The following ZMYND8 variants were observed in gnomAD, a reference collection of about 807,000 sequenced individuals.
The protein encoded by ZMYND8 is zinc finger MYND-type containing 8.
In ZMYND8, 37 loss-of-function variants were observed where a neutral mutation model predicts 140.8. That is an observed-to-expected ratio of 0.26 (90% CI 0.20 to 0.35). The LOEUF (loss-of-function observed/expected upper bound fraction) is 0.35. Among genes scored for constraint, ZMYND8 ranks in the 10% least tolerant of loss-of-function variants. ZMYND8 has a pLI of 1.00. For synonymous variants in ZMYND8, 592 were observed against 597.1 expected (o/e 0.99, Z 0.12); for missense variants, 1,068 against 1,570.0 (o/e 0.68, Z 5.40).
intron 3 of ZMYND8, among the ~76,000 whole-genome samples, chr20:47,301,724 G>A (rs1433608153): frequency 1.3e-5 from 2 of 152,046 alleles, no homozygotes; most frequent in Non-Finnish European, 2.9e-5. Flanking sequence ...CTCTTGTGAT[G>A]AGTCACATAT....
chr20:47,287,546 A>G (rs956952461), intron 7 of ZMYND8, among the ~76,000 whole-genome samples: 2 of 152,194 alleles, frequency 1.3e-5, no homozygotes, highest in Non-Finnish European at 2.9e-5. Context: ...ATCATGGATT[A>G]ATATTCTTAA....
At chr20:47,329,263 A>G (rs1244515228) in intron 2 of ZMYND8, among the ~76,000 whole-genome samples, 7 of 152,198 alleles carry the variant, frequency 4.6e-5, no homozygotes, top group Admixed American at 1.3e-4. Flanking sequence ...GTGTGATCCA[A>G]TCAAGCTTGC....
chr20:47,293,553 G>A (rs2077439822), intron 5 of ZMYND8, among the ~76,000 whole-genome samples: 1 of 152,180 alleles, frequency 6.6e-6, no homozygotes, highest in Admixed American at 6.5e-5. Flanking sequence ...CTACAGAAAA[G>A]TCACTGGTTG....
chr20:47,268,286 G>A (rs1455257299), intron 11 of ZMYND8, among the ~76,000 whole-genome samples: 2 of 129,638 alleles, frequency 1.5e-5, no homozygotes, highest in African/African-American at 3.1e-5. Flanking sequence ...GTGAAACCCC[G>A]TCTCTTTTTT....
chr20:47,305,823 T>C (rs2078438478), intron 3 of ZMYND8, among the ~76,000 whole-genome samples: 1 of 152,190 alleles, frequency 6.6e-6, no homozygotes, highest in Non-Finnish European at 1.5e-5. Flanking sequence ...CCCAACAGGA[T>C]GTTTGAACTC....
intron 8 of ZMYND8, chr20:47,285,853 T>C: frequency 9.2e-6 from 9 of 981,176 alleles, no homozygotes; most frequent in Non-Finnish European, 1.1e-5. Flanking sequence ...ATACATAAAA[T>C]AAACTAAGTG....
In ZMYND8 at chr20:47,294,651, G is replaced by T; in HGVS notation, c.567+15C>A. On this transcript the variant is annotated intron_variant, in intron 5 of 22. Coordinates refer to ENST00000471951, the MANE Select transcript of ZMYND8 (RefSeq NM_001281775.3). ...CGTTCATTTACGCGTATACCAAGAGGAACTTTCTTCTTACCCCTGGCTGTT... is the reference window on the plus strand; with the variant it reads ...CGTTCATTTACGCGTATACCAAGAGTAACTTTCTTCTTACCCCTGGCTGTT... The T allele has an allele frequency of 6.2e-7, 1 of 1,608,474 alleles. No homozygotes were observed. Among genetic ancestry groups the T allele is most frequent in the Non-Finnish European group, 8.5e-7 (1 of 1,174,940 alleles).
At chr20:47,287,068 C>G (rs2076969838) in intron 8 of ZMYND8, among the ~76,000 whole-genome samples, 161 bp downstream of exon 8, 1 of 152,138 alleles carries the variant, frequency 6.6e-6, no homozygotes, top group Admixed American at 6.6e-5. Flanking sequence ...TACTCGGGCC[C>G]CTCTTTGTTC....
At chr20:47,220,540 C>T (rs369036895) in intron 20 of ZMYND8, among the ~76,000 whole-genome samples, 1 of 152,214 alleles carries the variant, frequency 6.6e-6, no homozygotes, top group African/African-American at 2.4e-5. Context: ...GAACGCAGCA[C>T]CAGAGTGGCC....
At chr20:47,336,439 G>A (rs1020362604) in intron 2 of ZMYND8, among the ~76,000 whole-genome samples, 1 of 152,210 alleles carries the variant, frequency 6.6e-6, no homozygotes, top group African/African-American at 2.4e-5. Context: ...TTGGCAGGCT[G>A]GCATCCACAC....
chr20:47,302,048 C>T (rs1237790425), intron 3 of ZMYND8, among the ~76,000 whole-genome samples: 1 of 152,162 alleles, frequency 6.6e-6, no homozygotes, highest in African/African-American at 2.4e-5. Flanking sequence ...TGTAAGTTTC[C>T]TGAGGCCTCC....
chr20:47,236,255 C>T (rs2147148317), intron 16 of ZMYND8, 71 bp downstream of exon 16: 13 of 1,597,106 alleles, frequency 8.1e-6, no homozygotes, highest in East Asian at 4.5e-5. Context: ...CACGCTTCCC[C>T]TCGGGAGACC....
intron 2 of ZMYND8, among the ~76,000 whole-genome samples, chr20:47,332,543 C>T (rs1339376103): frequency 6.6e-6 from 1 of 151,728 alleles, no homozygotes. Context: ...GACTCTGTCG[C>T]TACAAAAAAT....
chr20:47,267,044 T>C (rs1411424197), intron 11 of ZMYND8, among the ~76,000 whole-genome samples: 2 of 152,118 alleles, frequency 1.3e-5, no homozygotes, highest in East Asian at 3.9e-4. Flanking sequence ...ATCCCCACAA[T>C]AGAACGTTAC....
At chr20:47,213,920 AAG>A (rs1299617974) in intron 21 of ZMYND8, among the ~76,000 whole-genome samples, 1 of 152,202 alleles carries the variant, frequency 6.6e-6, no homozygotes, top group South Asian at 2.1e-4. Context: ...TGGAACTAGG[AAG>A]AGTTTTCCCC....
At position 47,294,594 on chromosome 20, in the gene ZMYND8, A is replaced by C. The variant is rs1011066047; in HGVS notation, c.567+72T>G. 18 of 1,430,476 alleles carry C rather than the reference A, an allele frequency of 1.3e-5. 1 individual carries two copies. The highest frequency in any genetic ancestry group is 1.7e-5 in the Non-Finnish European group (17 of 1,019,256). The allele number at this position is 1,430,476 out of a possible 1,614,324, so 88.6% of individuals were successfully genotyped here. ...GAATACATCAGGTACCTAAAAAGCT[A>C]AGCTATTAACAGAACAAAACATATG... On this transcript the variant is annotated intron_variant, in intron 5 of 22. Transcript: ENST00000471951.
At chr20:47,277,857 G>T (rs1260166325) in intron 10 of ZMYND8, among the ~76,000 whole-genome samples, 3 of 152,012 alleles carry the variant, frequency 2.0e-5, no homozygotes, top group Admixed American at 2.0e-4. Context: ...TTTTAGTAGA[G>T]ACGGTGTTTC....
chr20:47,230,611 A>G (rs2038341133), intron 16 of ZMYND8, among the ~76,000 whole-genome samples: 2 of 152,130 alleles, frequency 1.3e-5, no homozygotes, highest in Admixed American at 1.3e-4. Context: ...CCAGCACAGT[A>G]GGTTCGAGAG....
chr20:47,228,370 T>G lies in ZMYND8; in HGVS notation c.2938-1089A>C, dbSNP rs867812434. Among the ~76,000 whole-genome samples, 34 of 152,300 alleles carry G rather than the reference T, an allele frequency of 2.2e-4. 1 individual carries two copies. The highest frequency in any genetic ancestry group is 6.8e-3 in the Middle Eastern group (2 of 294). On this transcript the variant is annotated intron_variant, in intron 17 of 22. Transcript: ENST00000471951. ...TTCACGTAGTGTGAACAATCACATTTCATTGCAGAAATGGTGTCTCTAATT... is the reference window on the plus strand; with the variant it reads ...TTCACGTAGTGTGAACAATCACATTGCATTGCAGAAATGGTGTCTCTAATT...
Sources: gnomAD v4.1 joint callset for allele counts (sites outside exome capture counted in the v4.1 genomes callset) on GRCh38, gnomAD v4.1.1 for gene constraint, MANE v1.5 for transcripts, NCBI Gene and HGNC (gene_info 2026-07-23, HGNC 2026-07-21) for gene names.